ARID5B: variants seen among roughly 807,000 people sequenced by gnomAD.
The protein encoded by ARID5B is AT-rich interactive domain-containing protein 5B.
Under a neutral mutation model 97.2 loss-of-function variants are expected in ARID5B, and 13 were observed. The observed-to-expected ratio is 0.13, with a 90% CI of 0.09 to 0.21. The LOEUF is 0.21. ARID5B is among the 10% of genes least tolerant of loss of function. The pLI is 1.00. For synonymous variants in ARID5B, 556 were observed against 570.3 expected (o/e 0.97, Z 0.36); for missense variants, 1,210 against 1,465.3 (o/e 0.83, Z 2.84).
chr10:61,986,554 T>G (rs1190349898), intron 3 of ARID5B, among the ~76,000 whole-genome samples: 3 of 151,420 alleles, frequency 2.0e-5, no homozygotes, highest in Non-Finnish European at 4.4e-5. Flanking sequence ...TGGGGGAGGG[T>G]GAGGAAGCGG....
At chr10:62,056,230 A>T (rs1839854662) in intron 5 of ARID5B, among the ~76,000 whole-genome samples, 2 of 152,292 alleles carry the variant, frequency 1.3e-5, no homozygotes, top group South Asian at 4.1e-4. Flanking sequence ...GAACATCTGG[A>T]GACTTTACCG....
rs1294579859 is a variant in ARID5B, at chr10:61,902,418, TA to T, written c.276+8del. ...AGAAATAGCGACCATGGCGAGGTGG[TA>T]AACCTGTCTGTCCCCCTCTTCTTTC... On this transcript the variant is annotated splice_donor_region_variant and intron_variant, in intron 2 of 9. Coordinates refer to ENST00000279873, the MANE Select transcript of ARID5B (RefSeq NM_032199.3). The T allele has an allele frequency of 6.2e-7, 1 of 1,613,248 alleles. No homozygotes were observed. Among genetic ancestry groups the T allele is most frequent in the African/African-American group, 1.3e-5 (1 of 74,882 alleles).
intron 2 of ARID5B, among the ~76,000 whole-genome samples, chr10:61,903,806 C>A (rs1242698374): frequency 6.6e-6 from 1 of 151,918 alleles, no homozygotes; most frequent in African/African-American, 2.4e-5. Flanking sequence ...GTGGTCTATG[C>A]CGGTTAATTA....
rs781013026 is a variant in ARID5B at position 61,940,333 on chromosome 10, C to T, written c.427C>T (p.Leu143=). 3.1e-6 allele frequency: 5 copies of T among 1,614,066 alleles called. No individual in the cohort carries two copies. Reference sequence around the variant, plus strand: ...GGGAAGGAATGGACAGAAGGAAGCTCTGCTGAAGTACAGGCAGTCAACCCT... The same window carrying T: ...GGGAAGGAATGGACAGAAGGAAGCTTTGCTGAAGTACAGGCAGTCAACCCT... ...ALGRNGQKEA[L]LKYRQSTLNS... The change falls in exon 3 of 10, where the codon CTG becomes TTG. Residue 143 remains leucine (L), a synonymous_variant. Transcript: ENST00000279873.
intron 2 of ARID5B, among the ~76,000 whole-genome samples, chr10:61,939,516 C>T (rs1844362282): frequency 6.6e-6 from 1 of 152,216 alleles, no homozygotes; most frequent in Admixed American, 6.5e-5. Context: ...CTCTCACCCT[C>T]TACCCCATCT....
intron 5 of ARID5B, among the ~76,000 whole-genome samples, chr10:62,053,055 G>A (rs947854313): frequency 6.6e-6 from 1 of 152,180 alleles, no homozygotes; most frequent in African/African-American, 2.4e-5. Flanking sequence ...CCTACAGAAT[G>A]AACAAGCCAC....
intron 4 of ARID5B, among the ~76,000 whole-genome samples, chr10:62,005,860 T>C (rs1391643089): frequency 2.0e-5 from 3 of 152,168 alleles, no homozygotes; most frequent in Admixed American, 1.3e-4. Flanking sequence ...TGAGTAAACA[T>C]TTTTTTCCTT....
intron 3 of ARID5B, among the ~76,000 whole-genome samples, chr10:61,999,494 C>G (rs1021451846): frequency 8.5e-5 from 13 of 152,190 alleles, no homozygotes; most frequent in Admixed American, 3.3e-4. Context: ...TGTTCACCCT[C>G]TTGGTCTCGT....
At chr10:62,018,676 C>T (rs1280258849) in intron 4 of ARID5B, among the ~76,000 whole-genome samples, 2 of 125,384 alleles carry the variant, frequency 1.6e-5, no homozygotes, top group African/African-American at 6.0e-5. Context: ...CAGATACAAA[C>T]ATCTGCTTGA....
At chr10:62,039,388 AC>A (rs1839605992) in intron 4 of ARID5B, among the ~76,000 whole-genome samples, 1 of 152,224 alleles carries the variant, frequency 6.6e-6, no homozygotes, top group Non-Finnish European at 1.5e-5. Flanking sequence ...TGCTACAGCA[AC>A]TACTGCCTTC....
In ARID5B at chr10:62,085,824, C is replaced by G; in HGVS notation, c.1322C>G (p.Thr441Ser). 1 of 1,614,060 alleles carries G rather than the reference C, an allele frequency of 6.2e-7. No individual in the cohort carries two copies. Among genetic ancestry groups the G allele is most frequent in the African/African-American group, 1.3e-5 (1 of 74,992 alleles). ...GAGAACAAAACAAAAGTATCTGGAA[C>G]CAAACGCATCAAACATGAAATACCT... ...ENENKTKVSG[T>S]KRIKHEIPKS... Residue 441 changes from threonine to serine, a missense_variant, in exon 9 of 10, where the codon ACC becomes AGC. Around this residue, in one of 8 missense-constraint regions of ARID5B, gnomAD observed 800 missense variants for 839.1 expected, o/e 0.95. Transcript: ENST00000279873.
intron 4 of ARID5B, among the ~76,000 whole-genome samples, chr10:62,037,629 T>C (rs1323504670): frequency 6.6e-6 from 1 of 152,174 alleles, no homozygotes; most frequent in Non-Finnish European, 1.5e-5. Flanking sequence ...GCCTGTGAAT[T>C]TCAGAGGTCA....
chr10:62,072,764 A>G (rs367862309), intron 8 of ARID5B, among the ~76,000 whole-genome samples: 8 of 152,254 alleles, frequency 5.3e-5, no homozygotes, highest in Non-Finnish European at 7.3e-5. Context: ...GCCTCTCTCA[A>G]TGTTCAATCA....
chr10:61,987,501 G>C (rs1488815526), intron 3 of ARID5B, among the ~76,000 whole-genome samples: 1 of 152,084 alleles, frequency 6.6e-6, no homozygotes, highest in African/African-American at 2.4e-5. Context: ...GCTGATATTC[G>C]TGATCCAAAA....
intron 3 of ARID5B, among the ~76,000 whole-genome samples, chr10:61,954,295 T>C (rs1194315342): frequency 6.6e-6 from 1 of 151,598 alleles, no homozygotes; most frequent in African/African-American, 2.4e-5. Flanking sequence ...GGGTGGGGGT[T>C]GCAGTGAGCC....
At chr10:61,986,880 A>AC (rs921984376) in intron 3 of ARID5B, among the ~76,000 whole-genome samples, 6 of 151,840 alleles carry the variant, frequency 4.0e-5, no homozygotes, top group Non-Finnish European at 8.8e-5. Context: ...ACTGTTAAAG[A>AC]CCCCCCAGGA....
intron 2 of ARID5B, among the ~76,000 whole-genome samples, chr10:61,928,305 CATT>C (rs1844143153): frequency 6.6e-6 from 1 of 151,936 alleles, no homozygotes; most frequent in Non-Finnish European, 1.5e-5. Context: ...TTATTACTAT[CATT>C]ATTATTATTG....
At position 62,000,338 on chromosome 10, in the gene ARID5B, T is replaced by C; in HGVS notation, c.733+17T>C. 1.9e-6 allele frequency: 3 copies of C among 1,565,664 alleles called. No homozygotes were observed. The highest frequency in any genetic ancestry group is 2.6e-6 in the Non-Finnish European group (3 of 1,152,118). On this transcript the variant is annotated intron_variant, in intron 4 of 9. Coordinates refer to ENST00000279873, the MANE Select transcript of ARID5B (RefSeq NM_032199.3). The surrounding 1 kb of genome is among the most constrained non-coding windows in gnomAD (Gnocchi z 4.4). ...ATGAGTTTGGTGAGTCTTTTTTTTT[T>C]TTTCCTACCTGATTCTTGTGCGTGT...
rs145658336 is a variant in ARID5B at position 62,039,553 on chromosome 10, T to C, written c.734-11335T>C. 6.0e-3 allele frequency among the ~76,000 whole-genome samples: 910 copies of C among 152,316 alleles called. 5 individuals are homozygous for C. Among genetic ancestry groups the C allele is most frequent in the African/African-American group, 0.021 (862 of 41,578 alleles). ...TTAATGTCTAGTTAGGTTTCTGTGT[T>C]GCTGCTGCCACAGGAATCAAAAAGT... On this transcript the variant is annotated intron_variant, in intron 4 of 9. Coordinates refer to ENST00000279873, the MANE Select transcript of ARID5B (RefSeq NM_032199.3).
Sources: gnomAD v4.1 joint callset for allele counts (sites outside exome capture counted in the v4.1 genomes callset) on GRCh38, gnomAD v4.1.1 for gene constraint, gnomAD v4.1.1 regional missense constraint, Gnocchi (gnomAD v3.1) non-coding constraint, MANE v1.5 for transcripts, NCBI Gene and HGNC (gene_info 2026-07-23, HGNC 2026-07-21) for gene names.